The following SYNCRIP variants were observed in gnomAD, a reference collection of about 807,000 sequenced individuals.
SYNCRIP encodes heterogeneous nuclear ribonucleoprotein Q.
SYNCRIP carries 9 observed loss-of-function variants against 68.9 expected under a neutral mutation model. The observed-to-expected ratio is 0.13, with a 90% CI of 0.08 to 0.23. The LOEUF (loss-of-function observed/expected upper bound fraction) is 0.23. Among genes scored for constraint, SYNCRIP ranks in the 10% least tolerant of loss-of-function variants. The pLI is 1.00. For missense variants in SYNCRIP, 414 were observed against 770.6 expected (o/e 0.54, Z 5.48); for synonymous variants, 258 against 254.0 (o/e 1.02, Z -0.15).
chr6:85,623,269 A>C (rs955099452), intron 7 of SYNCRIP, among the ~76,000 whole-genome samples: 2 of 152,014 alleles, frequency 1.3e-5, no homozygotes, highest in African/African-American at 2.4e-5. Flanking sequence ...ACAATATATA[A>C]ACTCTGTTTA....
intron 6 of SYNCRIP, among the ~76,000 whole-genome samples, chr6:85,631,850 C>G (rs1807834894): frequency 2.6e-5 from 4 of 152,206 alleles, no homozygotes. Context: ...TTTCTACTAC[C>G]TGGCAGAAAG....
chr6:85,619,010 A>T, intron 9 of SYNCRIP, 71 bp from the exon 10 acceptor site: 2 of 1,451,962 alleles, frequency 1.4e-6, no homozygotes, highest in South Asian at 2.5e-5. Flanking sequence ...AAGTTGGAAT[A>T]TCATTTATCA....
At position 85,618,954 on chromosome 6, in the gene SYNCRIP, TAAGTCAA is replaced by T; in HGVS notation, c.1159-22_1159-16del. On this transcript the variant is annotated splice_polypyrimidine_tract_variant and intron_variant, in intron 9 of 10. Coordinates refer to ENST00000369622, the MANE Select transcript of SYNCRIP (RefSeq NM_006372.5). ...TCTTCCATAGCCTTAAAAAATTAGA[TAAGTCAA>T]TATAAAAATAGGACTTTCATACAAT... The T allele has an allele frequency of 6.3e-7, 1 of 1,593,346 alleles. No homozygotes were observed. The highest frequency in any genetic ancestry group is 1.1e-5 in the South Asian group (1 of 86,990).
At chr6:85,610,830 A>T (rs1316755227), downstream of SYNCRIP, 3 of 152,032 alleles carry the variant, frequency 2.0e-5, no homozygotes, top group Non-Finnish European at 4.4e-5. Context: ...ATTATGTTAG[A>T]ATGAAATGTA....
chr6:85,637,079 G>C lies in SYNCRIP; in HGVS notation c.554C>G (p.Ala185Gly). 1.2e-6 allele frequency: 2 copies of C among 1,614,022 alleles called. No homozygotes were observed. Among genetic ancestry groups the C allele is most frequent in the Non-Finnish European group, 1.7e-6 (2 of 1,179,994 alleles). Residue 185 changes from alanine (A) to glycine (G), a missense_variant, in exon 6 of 11, where the codon GCT (alanine) becomes GGT (glycine). This residue lies in a region of SYNCRIP where 110 missense variants were observed against 269.3 expected (regional missense o/e 0.41). Transcript: ENST00000369622. The stretch of plus-strand genomic sequence containing the variant: ...TAGACGAAGATCCCATATAGGTCCA[G>C]CTTTCTCAAATAATGGAACAAGTTC... Reference protein sequence around the residue: ...EDELVPLFEKAGPIWDLRLMM... With the variant: ...EDELVPLFEKGGPIWDLRLMM...
chr6:85,609,044 CTGTT>C (rs1805041979), downstream of SYNCRIP: 1 of 151,862 alleles, frequency 6.6e-6, no homozygotes. Flanking sequence ...CCCCACAAGT[CTGTT>C]TCTTTTATGT....
At chr6:85,643,442 G>A (rs1809449294), upstream of SYNCRIP, among the ~76,000 whole-genome samples, 1 of 151,698 alleles carries the variant, frequency 6.6e-6, no homozygotes, top group East Asian at 2.0e-4. Context: ...ACAAGACCCC[G>A]CCCTTCCGCT....
In SYNCRIP at chr6:85,631,447, C is replaced by T. The variant is rs1026860944; in HGVS notation, c.666+5520G>A. Among the ~76,000 whole-genome samples the T allele has an allele frequency of 2.0e-5, 3 of 151,466 alleles. No homozygotes were observed. The East Asian group carries it at 5.9e-4, about 30-fold the overall frequency. ...TAAGAAGGAACTTGTCTGGATAGGG[C>T]CTTGTTTGTAAGTCATTTTTCAGCA... On this transcript the variant is annotated intron_variant, in intron 6 of 10. Coordinates refer to ENST00000369622, the MANE Select transcript of SYNCRIP (RefSeq NM_006372.5).
chr6:85,628,103 T>C (rs903964428), intron 6 of SYNCRIP, among the ~76,000 whole-genome samples: 2 of 152,166 alleles, frequency 1.3e-5, no homozygotes, highest in Non-Finnish European at 2.9e-5. Context: ...ACACCCAGGA[T>C]GGAGTACAGT....
intron 6 of SYNCRIP, among the ~76,000 whole-genome samples, chr6:85,628,502 A>T (rs1807329366): frequency 6.6e-6 from 1 of 152,180 alleles, no homozygotes; most frequent in South Asian, 2.1e-4. Context: ...TTGGCTAATC[A>T]TTGCTTCCCT....
chr6:85,613,083 CTTGT>C (rs367717882), downstream of SYNCRIP, among the ~76,000 whole-genome samples: 132 of 151,894 alleles, frequency 8.7e-4, no homozygotes, highest in South Asian at 4.4e-3. Flanking sequence ...CTTCTTTTTG[CTTGT>C]TTTTTACTTG....
At chr6:85,640,422 T>G in intron 3 of SYNCRIP, 24 bp downstream of exon 3, 1 of 1,588,540 alleles carries the variant, frequency 6.3e-7, no homozygotes, top group East Asian at 2.2e-5. Flanking sequence ...AATTTTTTAA[T>G]TTTCACATTG....
chr6:85,627,900 T>C (rs1807246325), intron 6 of SYNCRIP, among the ~76,000 whole-genome samples: 2 of 152,276 alleles, frequency 1.3e-5, no homozygotes, highest in South Asian at 4.1e-4. Context: ...TCATCAAGTC[T>C]CAAAATTTTA....
downstream of SYNCRIP, chr6:85,612,977 T>C: frequency 6.5e-7 from 1 of 1,527,906 alleles, no homozygotes. Context: ...ATTAATAATG[T>C]GTACATACAT....
intron 8 of SYNCRIP, among the ~76,000 whole-genome samples, chr6:85,620,436 T>C (rs762821717): frequency 1.4e-4 from 21 of 152,322 alleles, no homozygotes; most frequent in Non-Finnish European, 2.5e-4. Flanking sequence ...GGTTACATAA[T>C]GTATGGTTCC....
chr6:85,621,783 G>A lies in SYNCRIP; in HGVS notation c.1008+699C>T, dbSNP rs375967750. 1.5e-3 allele frequency among the ~76,000 whole-genome samples: 221 copies of A among 152,026 alleles called. 2 individuals carry two copies. The highest frequency in any genetic ancestry group is 3.4e-3 in the Middle Eastern group (1 of 294). ...ATGTAACTGCAAGCACCTCTGCTGC[G>A]GCCAGTATAATTTACTGTTTTTAGT... is the stretch of plus-strand genomic sequence containing the variant. On this transcript the variant is annotated intron_variant, in intron 8 of 10. Transcript: ENST00000369622.
chr6:85,632,303 A>G (rs1807889179), intron 6 of SYNCRIP, among the ~76,000 whole-genome samples: 1 of 152,230 alleles, frequency 6.6e-6, no homozygotes, highest in Non-Finnish European at 1.5e-5. Flanking sequence ...TGATCTATAA[A>G]TAATGCAAAG....
chr6:85,629,352 TAA>T (rs1167336078), intron 6 of SYNCRIP, among the ~76,000 whole-genome samples: 2 of 151,910 alleles, frequency 1.3e-5, no homozygotes, highest in Non-Finnish European at 2.9e-5. Context: ...ATATCTGAAG[TAA>T]AAGTTTTCAT....
intron 6 of SYNCRIP, among the ~76,000 whole-genome samples, chr6:85,634,845 C>T (rs908013686): frequency 3.3e-5 from 5 of 152,116 alleles, no homozygotes; most frequent in African/African-American, 1.2e-4. Context: ...TTTGGGAAGC[C>T]GAGGTAGGAG....
Sources: gnomAD v4.1 joint callset for allele counts (sites outside exome capture counted in the v4.1 genomes callset) on GRCh38, gnomAD v4.1.1 for gene constraint, gnomAD v4.1.1 regional missense constraint, MANE v1.5 for transcripts, NCBI Gene and HGNC (gene_info 2026-07-23, HGNC 2026-07-21) for gene names.